Variants in MSH4 observed in about 807,000 individuals in gnomAD.
MSH4 encodes the protein mutS homolog 4.
A neutral mutation model predicts 113.7 loss-of-function variants in MSH4; 106 were observed. That is an observed-to-expected ratio of 0.93 (90% CI 0.80 to 1.10). The LOEUF (loss-of-function observed/expected upper bound fraction) is 1.10, where lower values mean the gene tolerates loss of function less well. Among genes scored for constraint, MSH4 ranks in the 50% least tolerant of loss-of-function variants. MSH4 has a pLI of 0.00. For missense variants in MSH4, 1,061 were observed against 1,093.7 expected (o/e 0.97, Z 0.42); for synonymous variants, 368 against 380.2 (o/e 0.97, Z 0.37).
rs1649821310 is a variant in MSH4, at chr1:75,796,913, G to C, written c.-73G>C. On this transcript the variant is annotated 5_prime_UTR_variant, in exon 1 of 20. Coordinates refer to ENST00000263187, the MANE Select transcript of MSH4 (RefSeq NM_002440.4). ...TTCTCCCGCCCGTTTCAGCGGCGCAGCTTCTGTAGTTGGGCTACTGGAGGG... is the reference window on the plus strand; with the variant it reads ...TTCTCCCGCCCGTTTCAGCGGCGCACCTTCTGTAGTTGGGCTACTGGAGGG... 2 of 1,592,604 alleles carry C rather than the reference G, an allele frequency of 1.3e-6. No individual in the cohort carries two copies. Among genetic ancestry groups the C allele is most frequent in the Non-Finnish European group, 1.7e-6 (2 of 1,167,816 alleles).
intron 9 of MSH4, among the ~76,000 whole-genome samples, chr1:75,872,409 G>A (rs926954432): frequency 2.4e-4 from 36 of 151,942 alleles, no homozygotes; most frequent in Non-Finnish European, 4.9e-4. Context: ...AATCACTTAC[G>A]TTTATATGTA....
intron 1 of MSH4, among the ~76,000 whole-genome samples, chr1:75,799,706 A>G (rs1649894350): frequency 1.3e-5 from 2 of 152,156 alleles, no homozygotes; most frequent in Non-Finnish European, 2.9e-5. Context: ...TTGAATGTAG[A>G]TATAGTTGTG....
intron 9 of MSH4, among the ~76,000 whole-genome samples, chr1:75,870,429 G>T (rs1651685942): frequency 6.6e-6 from 1 of 152,160 alleles, no homozygotes; most frequent in South Asian, 2.1e-4. Context: ...TTTGGCAGGG[G>T]CTAGGGGCAG....
At chr1:75,828,355 C>T (rs1650602927) in intron 7 of MSH4, among the ~76,000 whole-genome samples, 2 of 152,196 alleles carry the variant, frequency 1.3e-5, no homozygotes, top group South Asian at 4.1e-4. Flanking sequence ...GACACCTGCA[C>T]TCACATGTTT....
chr1:75,847,903 A>C (rs1651108194), intron 7 of MSH4, among the ~76,000 whole-genome samples: 3 of 152,312 alleles, frequency 2.0e-5, no homozygotes, highest in African/African-American at 4.8e-5. Context: ...TAAATGTTTT[A>C]TCTCCCAACA....
chr1:75,912,745 A>T lies in MSH4; in HGVS notation c.2669A>T (p.His890Leu). Reference sequence around the variant, plus strand: ...ATGGAAAGACAGAGAGCTGTGTACCATCTAGCCACTAGGCTTGTTCAAACT... The same window carrying T: ...ATGGAAAGACAGAGAGCTGTGTACCTTCTAGCCACTAGGCTTGTTCAAACT... ...PEMERQRAVYHLATRLVQTAR... is the reference protein window; with the variant it reads ...PEMERQRAVYLLATRLVQTAR... The change falls in exon 20 of 20, where the codon CAT becomes CTT. Residue 890 changes from histidine (H) to leucine (L), a missense_variant. His to Leu is a moderately conservative substitution (Grantham distance 99, BLOSUM62 -3). Transcript: ENST00000263187. 6.3e-7 allele frequency: 1 copy of T among 1,587,966 alleles called. No homozygotes were observed.
intron 6 of MSH4, among the ~76,000 whole-genome samples, chr1:75,820,446 T>C (rs1650385494): frequency 6.6e-6 from 1 of 152,220 alleles, no homozygotes; most frequent in Admixed American, 6.5e-5. Flanking sequence ...ATCCATCTGG[T>C]CCTGGACATT....
chr1:75,822,663 G>A lies in MSH4; in HGVS notation c.1162+82G>A. ...TAGTTATTTTTCCATGTTTCTGAAAGACAAGTAGTGAAGGTGTTAATTCTT... is the reference window on the plus strand; with the variant it reads ...TAGTTATTTTTCCATGTTTCTGAAAAACAAGTAGTGAAGGTGTTAATTCTT... On this transcript the variant is annotated intron_variant, in intron 7 of 19. Coordinates refer to ENST00000263187, the MANE Select transcript of MSH4 (RefSeq NM_002440.4). 2.8e-6 allele frequency: 2 copies of A among 717,224 alleles called. 1 individual carries two copies. The highest frequency in any genetic ancestry group is 4.1e-6 in the Non-Finnish European group (2 of 490,854). 44.4% of individuals were successfully genotyped at this position (717,224 alleles called of 1,614,324 possible).
chr1:75,844,106 C>T (rs183770366), intron 7 of MSH4, among the ~76,000 whole-genome samples: 293 of 151,774 alleles, frequency 1.9e-3, no homozygotes, highest in African/African-American at 6.7e-3. Context: ...CCACCACGCC[C>T]GGCTCTTATT....
In MSH4 at chr1:75,806,993, C is replaced by A; in HGVS notation, c.440C>A (p.Ser147Tyr). The change falls in exon 3 of 20, where the codon TCT becomes TAT. Residue 147 changes from serine (S) to tyrosine (Y), a missense_variant. Physicochemically the swap from Ser to Tyr is moderately radical, Grantham distance 144. Transcript: ENST00000263187. ...TAAAAATTTACAGCTTCATCCTCAT[C>A]TGCGATTTCTGCACACTCCCCATCA... ...PQVGYSASSS[S>Y]AISAHSPSVI... 1 of 1,572,906 alleles carries A rather than the reference C, an allele frequency of 6.4e-7. No homozygotes were observed. Among genetic ancestry groups the A allele is most frequent in the African/African-American group, 1.4e-5 (1 of 72,256 alleles).
chr1:75,877,335 A>G (rs563920431), intron 10 of MSH4, among the ~76,000 whole-genome samples: 1 of 152,144 alleles, frequency 6.6e-6, no homozygotes, highest in African/African-American at 2.4e-5. Flanking sequence ...TAAATCATGA[A>G]GGGTCTAATG....
chr1:75,822,496 A>G lies in MSH4; in HGVS notation c.1077A>G (p.Leu359=). 1 of 1,585,500 alleles carries G rather than the reference A, an allele frequency of 6.3e-7. No homozygotes were observed. The highest frequency in any genetic ancestry group is 8.6e-7 in the Non-Finnish European group (1 of 1,167,532). The change falls in exon 7 of 20, where the codon CTA becomes CTG. Residue 359 remains leucine (L), a synonymous_variant. Coordinates refer to ENST00000263187, the MANE Select transcript of MSH4 (RefSeq NM_002440.4). ...RRLRSNILEP[L]VDIETINMRL... ...TTCGTTCTAATATATTAGAGCCTCT[A>G]GTTGATATTGAAACCATTAACATGA... is the stretch of plus-strand genomic sequence containing the variant.
At chr1:75,822,676 G>A (rs963514673) in intron 7 of MSH4, 95 bp downstream of exon 7, 3 of 618,330 alleles carry the variant, frequency 4.9e-6, no homozygotes, top group African/African-American at 3.9e-5. Context: ...AAGTAGTGAA[G>A]GTGTTAATTC....
At chr1:75,876,399 T>G (rs895087041) in intron 9 of MSH4, among the ~76,000 whole-genome samples, 4 of 152,116 alleles carry the variant, frequency 2.6e-5, no homozygotes, top group Admixed American at 6.5e-5. Context: ...TTGCTTCATA[T>G]CAAATTTAAA....
intron 19 of MSH4, among the ~76,000 whole-genome samples, chr1:75,907,685 TATA>T (rs1230381876): frequency 0.14 from 8,611 of 60,572 alleles, 607 homozygotes; most frequent in East Asian, 0.35. Flanking sequence ...TCTCTCTCTC[TATA>T]CATATATATA....
At chr1:75,888,980 C>T (rs1403732523) in intron 15 of MSH4, among the ~76,000 whole-genome samples, 3 of 151,226 alleles carry the variant, frequency 2.0e-5, no homozygotes, top group East Asian at 1.9e-4. Flanking sequence ...CTGCAGGCTC[C>T]GCCTCCCGGG....
Position 75,848,251 on chromosome 1 carries a change from T to G in MSH4, c.1205T>G (p.Leu402Ter). 1 of 1,608,634 alleles carries G rather than the reference T, an allele frequency of 6.2e-7. No individual in the cohort carries two copies. The highest frequency in any genetic ancestry group is 8.5e-7 in the Non-Finnish European group (1 of 1,175,858). The change falls in exon 8 of 20, where the codon TTA (leucine) becomes TGA (stop). Residue 402 changes from leucine (L) to a stop codon, truncating the protein, a stop_gained. Coordinates refer to ENST00000263187, the MANE Select transcript of MSH4 (RefSeq NM_002440.4). LOFTEE classifies it high-confidence loss of function. ...GATACAGAGCAGCTTCTTTCTGTTT[T>G]AGTCCAAATTCCAAAGCAAGACACG... ...FLDTEQLLSV[L>*]VQIPKQDTVN...
chr1:75,898,517 C>CAT (rs1306833473), intron 18 of MSH4, among the ~76,000 whole-genome samples: 6 of 122,412 alleles, frequency 4.9e-5, no homozygotes, highest in African/African-American at 1.9e-4. Flanking sequence ...ATTACCAAAC[C>CAT]ATATTTTTTT....
chr1:75,876,717 A>G (rs1204252653), intron 9 of MSH4, among the ~76,000 whole-genome samples: 1 of 152,082 alleles, frequency 6.6e-6, no homozygotes, highest in Non-Finnish European at 1.5e-5. Context: ...TATAATAAGC[A>G]GTGGATGGCA....
Sources: allele counts gnomAD v4.1 joint callset (sites outside exome capture counted in the v4.1 genomes callset), GRCh38; gene constraint gnomAD v4.1.1; transcripts MANE v1.5; gene names NCBI Gene and HGNC (gene_info 2026-07-23, HGNC 2026-07-21).